DNAH6: variants seen among roughly 807,000 people sequenced by gnomAD.
DNAH6 encodes the protein dynein axonemal heavy chain 6.
In DNAH6, 340 loss-of-function variants were observed where a neutral mutation model predicts 491.4. The ratio of observed to expected loss-of-function variants is 0.69; its 90% CI spans 0.63 to 0.76. The LOEUF is 0.76. Ranked by LOEUF, DNAH6 falls within the 30% of genes least tolerant of loss-of-function variation. The probability of loss-of-function intolerance (pLI) is 0.00; values close to 1 mark genes in which losing one functional copy is unlikely to be tolerated. For missense variants in DNAH6, 4,443 were observed against 4,972.2 expected (o/e 0.89, Z 3.20); for synonymous variants, 1,603 against 1,686.1 (o/e 0.95, Z 1.21).
rs1482407950 is a variant in DNAH6 at position 84,818,851 on chromosome 2, A to T, written c.12374-454A>T. Among the ~76,000 whole-genome samples the T allele has an allele frequency of 3.3e-5, 5 of 152,324 alleles. No individual in the cohort carries two copies. In the South Asian group the frequency reaches 6.2e-4, roughly 19 times the overall value. On this transcript the variant is annotated intron_variant, in intron 76 of 76. Coordinates refer to ENST00000389394, the MANE Select transcript of DNAH6 (RefSeq NM_001370.2). ...CACTTTGGGAGGCCAAGGCAAGCGG[A>T]TCATTTGAGGCCAAGAGTTTGAGAC...
At chr2:84,570,331 A>G (rs1558731449) in intron 11 of DNAH6, among the ~76,000 whole-genome samples, 1 of 152,130 alleles carries the variant, frequency 6.6e-6, no homozygotes, top group Non-Finnish European at 1.5e-5. Flanking sequence ...CCCAATCAGC[A>G]CTCTGTAAAA....
At chr2:84,609,125 A>T (rs1029003843) in intron 21 of DNAH6, among the ~76,000 whole-genome samples, 4 of 152,184 alleles carry the variant, frequency 2.6e-5, no homozygotes, top group Non-Finnish European at 5.9e-5. Context: ...GCCTCAGACT[A>T]GGCTTTGGCT....
At chr2:84,793,765 G>A (rs1678021802) in intron 68 of DNAH6, among the ~76,000 whole-genome samples, 1 of 152,206 alleles carries the variant, frequency 6.6e-6, no homozygotes, top group African/African-American at 2.4e-5. Flanking sequence ...CCCTCTCCCT[G>A]AGTGGCTTGT....
intron 3 of DNAH6, among the ~76,000 whole-genome samples, chr2:84,528,342 C>G (rs188477483): frequency 1.3e-5 from 2 of 152,322 alleles, no homozygotes; most frequent in African/African-American, 4.8e-5. Context: ...TTGAGAAGCA[C>G]TGGTCTAAAA....
intron 9 of DNAH6, among the ~76,000 whole-genome samples, chr2:84,552,534 G>T (rs1679498320): frequency 6.6e-6 from 1 of 151,966 alleles, no homozygotes; most frequent in Non-Finnish European, 1.5e-5. Context: ...AAGTATATTT[G>T]TATTTGAATA....
intron 49 of DNAH6, 135 bp downstream of exon 49, chr2:84,701,474 C>A: frequency 8.8e-6 from 8 of 910,256 alleles, no homozygotes; most frequent in Non-Finnish European, 1.3e-5. Context: ...TAAAGAAATA[C>A]CTGAGACTGG....
chr2:84,788,560 A>G (rs952553623), intron 68 of DNAH6, among the ~76,000 whole-genome samples: 1 of 152,232 alleles, frequency 6.6e-6, no homozygotes, highest in East Asian at 1.9e-4. Flanking sequence ...ACGTTTCCCA[A>G]TTTCAAAACT....
At chr2:84,478,079 A>G in the DNAH6 span, among the ~76,000 whole-genome samples, 2 of 152,224 alleles carry the variant, frequency 1.3e-5, no homozygotes, top group Non-Finnish European at 2.9e-5. Context: ...CTCAGGCCCC[A>G]CTGTAGGTAC....
At chr2:84,744,425 T>C (rs74610595) in intron 62 of DNAH6, among the ~76,000 whole-genome samples, 1 of 152,358 alleles carries the variant, frequency 6.6e-6, no homozygotes, top group East Asian at 1.9e-4. Context: ...TCATACAAGA[T>C]ACAAATCCAT....
chr2:84,658,597 A>T, intron 36 of DNAH6, 123 bp downstream of exon 36: 1 of 653,364 alleles, frequency 1.5e-6, no homozygotes, highest in South Asian at 2.6e-5. Context: ...TTTTCAGGGG[A>T]CTAATAGCTA....
rs1473148203 is a variant in DNAH6, at chr2:84,705,631, G to C, written c.8611G>C (p.Val2871Leu). The C allele has an allele frequency of 1.3e-6, 2 of 1,551,634 alleles. No homozygotes were observed. Among genetic ancestry groups the C allele is most frequent in the Non-Finnish European group, 1.7e-6 (2 of 1,146,974 alleles). Residue 2871 changes from valine (V) to leucine (L), a missense_variant, in exon 52 of 77, where the codon GTG becomes CTG. By Grantham distance (32) the Val-to-Leu change is conservative. Transcript: ENST00000389394. ...INNPDFVPEK[V>L]EKVSKACKSM... ...TAATCCTGATTTTGTGCCTGAAAAA[G>C]TGGAGAAAGTGTCCAAAGCATGTAA... is the stretch of plus-strand genomic sequence containing the variant.
At chr2:84,532,148 A>G (rs1677236843) in intron 4 of DNAH6, among the ~76,000 whole-genome samples, 1 of 152,146 alleles carries the variant, frequency 6.6e-6, no homozygotes, top group Non-Finnish European at 1.5e-5. Context: ...CACAATATAA[A>G]GTATTGAAGA....
chr2:84,630,913 A>G (rs1688337207), intron 29 of DNAH6, among the ~76,000 whole-genome samples: 2 of 152,190 alleles, frequency 1.3e-5, no homozygotes, highest in African/African-American at 4.8e-5. Flanking sequence ...GGTGGCATAT[A>G]CCTTCTTTCA....
chr2:84,547,197 C>A, intron 5 of DNAH6, 71 bp from the exon 6 acceptor site: 1 of 1,318,270 alleles, frequency 7.6e-7, no homozygotes, highest in East Asian at 2.5e-5. Context: ...ACTATTCTTG[C>A]TTTTTGAATG....
chr2:84,804,612 T>A (rs1474781177), intron 70 of DNAH6, among the ~76,000 whole-genome samples: 1 of 151,926 alleles, frequency 6.6e-6, no homozygotes. Flanking sequence ...TTTCTAATTT[T>A]AAAAAAAAGT....
At chr2:84,767,000 A>G (rs542387963) in intron 64 of DNAH6, among the ~76,000 whole-genome samples, 3 of 152,344 alleles carry the variant, frequency 2.0e-5, no homozygotes, top group Admixed American at 2.0e-4. Flanking sequence ...GCCAGAAAAC[A>G]TAAATCTTAT....
chr2:84,724,579 C>T (rs1052189484), intron 60 of DNAH6, among the ~76,000 whole-genome samples: 1 of 152,198 alleles, frequency 6.6e-6, no homozygotes, highest in Non-Finnish European at 1.5e-5. Context: ...AACCTAAATG[C>T]TGCTGGGACT....
intron 22 of DNAH6, 62 bp downstream of exon 22, chr2:84,611,916 G>C (rs1686378047): frequency 1.4e-6 from 2 of 1,397,670 alleles, no homozygotes; most frequent in East Asian, 5.0e-5. Flanking sequence ...TGGGACTTTA[G>C]TCCCAGACTA....
At chr2:84,672,156 A>C (rs1692796721) in intron 39 of DNAH6, among the ~76,000 whole-genome samples, 171 bp from the exon 40 acceptor site, 1 of 152,206 alleles carries the variant, frequency 6.6e-6, no homozygotes, top group African/African-American at 2.4e-5. Context: ...ATCTTCCTGC[A>C]GGGGCCTGGG....
Sources: allele counts gnomAD v4.1 joint callset (sites outside exome capture counted in the v4.1 genomes callset), GRCh38; gene constraint gnomAD v4.1.1; transcripts MANE v1.5; gene names NCBI Gene and HGNC (gene_info 2026-07-23, HGNC 2026-07-21).